PRMT8: variants seen among roughly 807,000 people sequenced by gnomAD.
PRMT8 encodes the protein protein arginine methyltransferase 8.
PRMT8 carries 7 observed loss-of-function variants against 47.1 expected under a neutral mutation model. That is an observed-to-expected ratio of 0.15 (90% CI 0.08 to 0.28). PRMT8 has a LOEUF of 0.28. Among genes scored for constraint, PRMT8 ranks in the 10% least tolerant of loss-of-function variants. The pLI, the probability that PRMT8 is intolerant of heterozygous loss-of-function variation, is 1.00. For synonymous variants in PRMT8, 188 were observed against 186.5 expected, an observed-to-expected ratio of 1.01 and a Z score of -0.07; for missense variants, 237 against 505.4, an observed-to-expected ratio of 0.47 and a Z score of 5.09.
intron 1 of PRMT8, among the ~76,000 whole-genome samples, chr12:3,486,020 A>G (rs1008960675): frequency 1.3e-5 from 2 of 152,216 alleles, no homozygotes; most frequent in Non-Finnish European, 2.9e-5. Context: ...GGTCAGCCCT[A>G]TGCTAAGGCA....
intron 6 of PRMT8, chr12:3,574,036 G>A (rs1370765665): frequency 6.6e-6 from 1 of 152,150 alleles, no homozygotes; most frequent in Non-Finnish European, 1.5e-5. Context: ...ATTGAAGGTG[G>A]GGCAGTCCAG....
At chr12:3,496,017 A>G (rs948743546) in intron 1 of PRMT8, among the ~76,000 whole-genome samples, 2 of 151,808 alleles carry the variant, frequency 1.3e-5, no homozygotes, top group African/African-American at 4.8e-5. Context: ...ACAATGCCCA[A>G]TTATGAACCA....
intron 1 of PRMT8, among the ~76,000 whole-genome samples, chr12:3,498,813 A>G (rs1296970982): frequency 3.9e-5 from 6 of 152,222 alleles, no homozygotes; most frequent in Admixed American, 6.5e-5. Flanking sequence ...CTGCTGTAAT[A>G]AAGTACCACA....
intron 1 of PRMT8, among the ~76,000 whole-genome samples, chr12:3,506,540 T>A (rs971679019): frequency 4.6e-5 from 7 of 152,090 alleles, no homozygotes; most frequent in South Asian, 2.1e-4. Context: ...GAAGGGCCCA[T>A]TACAGGAGGA....
chr12:3,536,188 T>G (rs906782347), intron 1 of PRMT8, among the ~76,000 whole-genome samples: 7 of 152,200 alleles, frequency 4.6e-5, no homozygotes, highest in African/African-American at 1.7e-4. Flanking sequence ...TTTAAAAGCA[T>G]CACCCCATGT....
At position 3,572,384 on chromosome 12, in the gene PRMT8, C is replaced by T. The variant is rs761861524; in HGVS notation, c.712+2820C>T. 3.9e-5 allele frequency among the ~76,000 whole-genome samples: 6 copies of T among 152,214 alleles called. No individual in the cohort carries two copies. Among genetic ancestry groups the T allele is most frequent in the South Asian group, 2.1e-4 (1 of 4,822 alleles). On this transcript the variant is annotated intron_variant, in intron 6 of 9. Coordinates refer to ENST00000382622, the MANE Select transcript of PRMT8 (RefSeq NM_019854.5). This position sits in a 1 kb window ranked among gnomAD's most constrained non-coding sequence, Gnocchi z 5.9. Reference sequence around the variant, plus strand: ...AGAATTTCAAAAATGGAAGGAAACTCGGTGGATGTTCTATTCAATTTCATG... The same window carrying T: ...AGAATTTCAAAAATGGAAGGAAACTTGGTGGATGTTCTATTCAATTTCATG...
chr12:3,388,252 CTTTAG>C (rs1234404146), intron 1 of PRMT8, among the ~76,000 whole-genome samples: 1 of 152,064 alleles, frequency 6.6e-6, no homozygotes, highest in Non-Finnish European at 1.5e-5. Context: ...TGCAAAATCC[CTTTAG>C]TTTAGATTTG....
chr12:3,470,496 A>G (rs1865149341), intron 1 of PRMT8, among the ~76,000 whole-genome samples: 1 of 151,932 alleles, frequency 6.6e-6, no homozygotes, highest in African/African-American at 2.4e-5. Flanking sequence ...TTTTCTCACT[A>G]AGTGGGAGGT....
rs1418999520 is a variant in PRMT8, at chr12:3,580,203, A to G, written c.829-2855A>G. On this transcript the variant is annotated intron_variant, in intron 7 of 9. Transcript: ENST00000382622. This position sits in a 1 kb window ranked among gnomAD's most constrained non-coding sequence, Gnocchi z 4.6. The stretch of plus-strand genomic sequence containing the variant: ...GGCTTTTGTTCTATCAGAGGCCTCT[A>G]TTAAGATGCAAATGTCTCAGGGATC... Among the ~76,000 whole-genome samples, 2 of 152,140 alleles carry G rather than the reference A, an allele frequency of 1.3e-5. No individual in the cohort carries two copies. Among genetic ancestry groups the G allele is most frequent in the African/African-American group, 4.8e-5 (2 of 41,434 alleles).
At chr12:3,539,475 C>A (rs1777136112) in intron 1 of PRMT8, among the ~76,000 whole-genome samples, 1 of 152,110 alleles carries the variant, frequency 6.6e-6, no homozygotes, top group Non-Finnish European at 1.5e-5. Flanking sequence ...GATTCCCAGC[C>A]CTAGAGGACT....
intron 4 of PRMT8, among the ~76,000 whole-genome samples, chr12:3,561,341 A>ACCT (rs1866633165): frequency 6.6e-6 from 1 of 152,180 alleles, no homozygotes; most frequent in Non-Finnish European, 1.5e-5. Flanking sequence ...GAGACCAAAT[A>ACCT]CAATCTGTTG....
At chr12:3,547,879 G>T (rs1301779393) in intron 2 of PRMT8, among the ~76,000 whole-genome samples, 1 of 152,128 alleles carries the variant, frequency 6.6e-6, no homozygotes, top group East Asian at 1.9e-4. Flanking sequence ...TAGATGCCAG[G>T]AGCCTATTCT....
At chr12:3,422,686 C>CAA (rs1864557073) in intron 1 of PRMT8, among the ~76,000 whole-genome samples, 1 of 152,212 alleles carries the variant, frequency 6.6e-6, no homozygotes, top group Non-Finnish European at 1.5e-5. Context: ...ATAGATAACA[C>CAA]AAGCAGTTAG....
At chr12:3,587,654 A>G (rs937479680) in intron 8 of PRMT8, among the ~76,000 whole-genome samples, 6 of 152,130 alleles carry the variant, frequency 3.9e-5, no homozygotes, top group Non-Finnish European at 7.3e-5. Flanking sequence ...GCTATTTATG[A>G]AAAGTTTTAT....
chr12:3,581,274 TGCA>T (rs1867058847), intron 7 of PRMT8, among the ~76,000 whole-genome samples: 1 of 152,102 alleles, frequency 6.6e-6, no homozygotes, highest in Non-Finnish European at 1.5e-5. Flanking sequence ...AGAGATAGCT[TGCA>T]TTGGAGAAGA....
At chr12:3,455,743 A>C (rs1406243837) in intron 1 of PRMT8, among the ~76,000 whole-genome samples, 1 of 151,962 alleles carries the variant, frequency 6.6e-6, no homozygotes, top group African/African-American at 2.4e-5. Flanking sequence ...TGGCTCTCTT[A>C]ATTGCTCTTT....
rs1263107875 is a variant in PRMT8, at chr12:3,576,116, G to A, written c.713-755G>A. On this transcript the variant is annotated intron_variant, in intron 6 of 9. Transcript: ENST00000382622. This position sits in a 1 kb window ranked among gnomAD's most constrained non-coding sequence, Gnocchi z 4.0. Reference sequence around the variant, plus strand: ...TAGATCTTTCTCCCTCCCATACAAAGTATCTTATGAGTAGCCCAAAGGGGA... The same window carrying A: ...TAGATCTTTCTCCCTCCCATACAAAATATCTTATGAGTAGCCCAAAGGGGA... Among the ~76,000 whole-genome samples, 1 of 152,208 alleles carries A rather than the reference G, an allele frequency of 6.6e-6. No individual in the cohort carries two copies. The highest frequency in any genetic ancestry group is 2.4e-5 in the African/African-American group (1 of 41,446).
At chr12:3,405,715 T>C (rs1206137846) in intron 1 of PRMT8, among the ~76,000 whole-genome samples, 2 of 152,218 alleles carry the variant, frequency 1.3e-5, no homozygotes, top group African/African-American at 4.8e-5. Context: ...TTTGACACCA[T>C]GTCTCACATC....
chr12:3,578,424 A>G (rs560361217), intron 7 of PRMT8, among the ~76,000 whole-genome samples: 1 of 151,308 alleles, frequency 6.6e-6, no homozygotes, highest in South Asian at 2.1e-4. Flanking sequence ...GGGTTTGGCC[A>G]TGTTGCCCAG....
Sources: allele counts gnomAD v4.1 joint callset (sites outside exome capture counted in the v4.1 genomes callset), GRCh38; gene constraint gnomAD v4.1.1; non-coding constraint Gnocchi (gnomAD v3.1); transcripts MANE v1.5; gene names NCBI Gene and HGNC (gene_info 2026-07-23, HGNC 2026-07-21).